Variants in TXNDC16 observed in about 807,000 individuals in gnomAD.
TXNDC16 encodes the protein thioredoxin domain containing 16.
Under a neutral mutation model 85.6 loss-of-function variants are expected in TXNDC16, and 74 were observed. The observed-to-expected ratio is 0.86, with a 90% confidence interval of 0.72 to 1.05. The LOEUF is 1.05. Among genes scored for constraint, TXNDC16 ranks in the 50% least tolerant of loss-of-function variants. TXNDC16 has a pLI of 0.00. For missense variants in TXNDC16, 959 were observed against 947.0 expected, an observed-to-expected ratio of 1.01 and a Z score of -0.17; for synonymous variants, 335 against 326.5, an observed-to-expected ratio of 1.03 and a Z score of -0.28.
intron 20 of TXNDC16, among the ~76,000 whole-genome samples, chr14:52,432,985 G>A (rs995851328): frequency 6.6e-6 from 1 of 152,130 alleles, no homozygotes; most frequent in African/African-American, 2.4e-5. Flanking sequence ...CCAAAGAAAT[G>A]TAACTATTTC....
intron 11 of TXNDC16, among the ~76,000 whole-genome samples, chr14:52,489,401 A>G (rs2036349854): frequency 6.6e-6 from 1 of 152,180 alleles, no homozygotes; most frequent in Non-Finnish European, 1.5e-5. Context: ...TTATTTTAGC[A>G]AAGTGTTCTT....
Position 52,430,797 on chromosome 14 carries a change from TA to T in TXNDC16, c.*1506del, listed in dbSNP as rs2034874400. The T allele has an allele frequency of 1.3e-5, 2 of 151,976 alleles. No individual in the cohort carries two copies. Among genetic ancestry groups the T allele is most frequent in the African/African-American group, 4.8e-5 (2 of 41,388 alleles). 9.4% of individuals were successfully genotyped at this position (151,976 alleles called of 1,614,324 possible). A position where few individuals can be genotyped will look rare whatever the true frequency, so the allele number is the denominator to read the frequency against. On this transcript the variant is annotated 3_prime_UTR_variant, in exon 21 of 21. Transcript: ENST00000281741. The stretch of plus-strand genomic sequence containing the variant: ...ACTCTCATTGTTCCCATATTAGAAA[TA>T]AAAGCAAATGAAAATGAGTTTAATC...
chr14:52,479,519 G>A (rs1392356099), intron 14 of TXNDC16, among the ~76,000 whole-genome samples: 1 of 151,570 alleles, frequency 6.6e-6, no homozygotes. Flanking sequence ...TACACCAACA[G>A]CGACCAAGCT....
chr14:52,536,051 A>G (rs558254916), intron 6 of TXNDC16, among the ~76,000 whole-genome samples: 41 of 152,010 alleles, frequency 2.7e-4, no homozygotes, highest in Non-Finnish European at 4.1e-4. Flanking sequence ...CAAAAAAAAA[A>G]CAAAGATGAG....
chr14:52,537,404 T>C (rs531300819), intron 5 of TXNDC16, among the ~76,000 whole-genome samples, 195 bp downstream of exon 5: 7 of 152,350 alleles, frequency 4.6e-5, no homozygotes, highest in Admixed American at 1.3e-4. Flanking sequence ...ATGTAGGTAT[T>C]ACTCTCTGTT....
chr14:52,491,689 T>C (rs1169035615), intron 9 of TXNDC16, among the ~76,000 whole-genome samples: 2 of 152,228 alleles, frequency 1.3e-5, no homozygotes, highest in African/African-American at 4.8e-5. Flanking sequence ...ATTTAACATA[T>C]AATGACACAT....
chr14:52,541,621 G>A (rs1289959853), intron 4 of TXNDC16, among the ~76,000 whole-genome samples: 1 of 152,168 alleles, frequency 6.6e-6, no homozygotes, highest in African/African-American at 2.4e-5. Context: ...CAGAGACCAA[G>A]AGCGACCATA....
Position 52,482,965 on chromosome 14 carries a change from T to C in TXNDC16, c.1109A>G (p.Asp370Gly), listed in dbSNP as rs1047996227. 6.3e-7 allele frequency: 1 copy of C among 1,597,258 alleles called. No individual in the cohort carries two copies. Among genetic ancestry groups the C allele is most frequent in the South Asian group, 1.1e-5 (1 of 88,290 alleles). Reference sequence around the variant, plus strand: ...TTCTGCCACTTCATCATCCTGAACATCTAAAATGTTGGAAAAGAAATTAAT... The same window carrying C: ...TTCTGCCACTTCATCATCCTGAACACCTAAAATGTTGGAAAAGAAATTAAT... ...EDNDMEGPDI[D>G]VQDDEVAETV... Residue 370 changes from aspartate to glycine, a missense_variant and splice_region_variant, in exon 13 of 21, where the codon GAT (aspartate) becomes GGT (glycine). Coordinates refer to ENST00000281741, the MANE Select transcript of TXNDC16 (RefSeq NM_020784.3).
At chr14:52,455,252 T>C (rs916446017) in intron 18 of TXNDC16, 72 bp downstream of exon 18, 1 of 1,560,640 alleles carries the variant, frequency 6.4e-7, no homozygotes. Context: ...GAAAAATGTG[T>C]ATGAACATAT....
At chr14:52,469,254 G>T (rs938842068) in intron 16 of TXNDC16, among the ~76,000 whole-genome samples, 1 of 151,790 alleles carries the variant, frequency 6.6e-6, no homozygotes, top group African/African-American at 2.4e-5. Flanking sequence ...GGTTGAGATG[G>T]GAGGATTGCT....
At chr14:52,463,466 G>A (rs909027897) in intron 16 of TXNDC16, among the ~76,000 whole-genome samples, 4 of 152,150 alleles carry the variant, frequency 2.6e-5, no homozygotes, top group Non-Finnish European at 5.9e-5. Context: ...AACCATTTGC[G>A]GCTGGGCAGC....
chr14:52,459,617 C>G (rs1043929790), intron 16 of TXNDC16, among the ~76,000 whole-genome samples: 7 of 152,180 alleles, frequency 4.6e-5, no homozygotes, highest in African/African-American at 9.7e-5. Flanking sequence ...AGAGACACAA[C>G]AAAAGAAGAA....
At chr14:52,467,283 G>T (rs974588777) in intron 16 of TXNDC16, among the ~76,000 whole-genome samples, 1 of 151,698 alleles carries the variant, frequency 6.6e-6, no homozygotes, top group African/African-American at 2.4e-5. Context: ...TTTTAAAAAA[G>T]GGAAAAAAAT....
At position 52,483,116 on chromosome 14, in the gene TXNDC16, A is replaced by G. The variant is rs937874838; in HGVS notation, c.1109-151T>C. 1.1e-5 allele frequency: 7 copies of G among 614,822 alleles called. No individual in the cohort carries two copies. The African/African-American group carries it at 1.3e-4, about 12-fold the overall frequency. The allele number at this position is 614,822 out of a possible 1,614,324, so 38.1% of individuals were successfully genotyped here. On this transcript the variant is annotated intron_variant, in intron 12 of 20. Transcript: ENST00000281741. The stretch of plus-strand genomic sequence containing the variant: ...TAGTTAGGATGCATGATATTTAGAA[A>G]ACTTTGCAGTTGCTTAACTGACTCT...
At chr14:52,546,914 A>T (rs2037952340) in intron 1 of TXNDC16, among the ~76,000 whole-genome samples, 1 of 152,250 alleles carries the variant, frequency 6.6e-6, no homozygotes, top group African/African-American at 2.4e-5. Flanking sequence ...TAAGTTTGAT[A>T]AAACTGTCAC....
intron 18 of TXNDC16, among the ~76,000 whole-genome samples, chr14:52,449,874 TA>T (rs1300055642): frequency 6.6e-6 from 1 of 151,806 alleles, no homozygotes; most frequent in Non-Finnish European, 1.5e-5. Context: ...ATGAAGAAAT[TA>T]AAAAAGAAAT....
intron 9 of TXNDC16, 38 bp downstream of exon 9, chr14:52,511,202 A>G (rs1364741216): frequency 7.0e-7 from 1 of 1,433,226 alleles, no homozygotes; most frequent in East Asian, 2.5e-5. Context: ...TTATACAGGC[A>G]GTAGAAAGCA....
intron 9 of TXNDC16, among the ~76,000 whole-genome samples, chr14:52,493,982 T>C (rs2036474356): frequency 6.6e-6 from 1 of 151,920 alleles, no homozygotes; most frequent in African/African-American, 2.4e-5. Flanking sequence ...GGTCTCGCCA[T>C]GTTGCCCAGG....
At chr14:52,486,685 G>A (rs891753654) in intron 12 of TXNDC16, among the ~76,000 whole-genome samples, 27 of 151,964 alleles carry the variant, frequency 1.8e-4, no homozygotes, top group Admixed American at 6.6e-5. Flanking sequence ...AGAGGGAGGG[G>A]GAAGAATTAG....
Sources: allele counts gnomAD v4.1 joint callset (sites outside exome capture counted in the v4.1 genomes callset), GRCh38; gene constraint gnomAD v4.1.1; transcripts MANE v1.5; gene names NCBI Gene and HGNC (gene_info 2026-07-23, HGNC 2026-07-21).